ADGRL2: variants seen among roughly 807,000 people sequenced by gnomAD.
ADGRL2 encodes the protein adhesion G protein-coupled receptor L2.
A neutral mutation model predicts 157.4 loss-of-function variants in ADGRL2; 44 were observed. The ratio of observed to expected loss-of-function variants is 0.28; its 90% CI spans 0.22 to 0.36. ADGRL2 has a LOEUF of 0.36. Ranked by LOEUF, ADGRL2 falls within the 10% of genes least tolerant of loss-of-function variation. ADGRL2 has a pLI of 1.00. For synonymous variants in ADGRL2, 585 were observed against 624.7 expected (o/e 0.94, Z 0.95); for missense variants, 1,510 against 1,768.9 (o/e 0.85, Z 2.63).
chr1:81,754,091 C>T (rs1245729836), intron 1 of ADGRL2, among the ~76,000 whole-genome samples: 1 of 152,064 alleles, frequency 6.6e-6, no homozygotes, highest in Admixed American at 6.6e-5. Flanking sequence ...CCTGATCTGT[C>T]ATGGTGGTGT....
At chr1:81,467,373 C>T (rs112408244) in intron 2 of ADGRL2, among the ~76,000 whole-genome samples, 46 of 152,240 alleles carry the variant, frequency 3.0e-4, no homozygotes, top group South Asian at 6.2e-4. Context: ...AACTAAATCT[C>T]GTCCCCCTCT....
chr1:81,647,526 C>T (rs531761479), intron 3 of ADGRL2, among the ~76,000 whole-genome samples: 2 of 152,164 alleles, frequency 1.3e-5, no homozygotes, highest in African/African-American at 2.4e-5. Flanking sequence ...AAATTACCTT[C>T]GGGTAATTTT....
chr1:81,512,916 AT>A (rs11388955), intron 2 of ADGRL2, among the ~76,000 whole-genome samples: 16 of 149,168 alleles, frequency 1.1e-4, no homozygotes, highest in Non-Finnish European at 9.0e-5. Flanking sequence ...CTCTTGGCTA[AT>A]TTTTTTTTTT....
At chr1:81,739,639 A>G (rs1444902771) in intron 1 of ADGRL2, among the ~76,000 whole-genome samples, 1 of 152,240 alleles carries the variant, frequency 6.6e-6, no homozygotes, top group African/African-American at 2.4e-5. Flanking sequence ...AATAATTAAA[A>G]TAAAGCAGAT....
chr1:81,468,923 A>G (rs1372103503), intron 2 of ADGRL2, among the ~76,000 whole-genome samples: 3 of 152,212 alleles, frequency 2.0e-5, no homozygotes, highest in Admixed American at 2.0e-4. Flanking sequence ...GAAGGAAAGG[A>G]TGAAGAAAAT....
chr1:81,878,660 G>A (rs2093904845), intron 2 of ADGRL2, among the ~76,000 whole-genome samples: 1 of 152,148 alleles, frequency 6.6e-6, no homozygotes. Flanking sequence ...GCCAGAGAGA[G>A]ATGTTGTAAT....
At chr1:81,976,227 A>G (rs1195057577) in intron 17 of ADGRL2, among the ~76,000 whole-genome samples, 5 of 152,158 alleles carry the variant, frequency 3.3e-5, no homozygotes, top group Middle Eastern at 3.4e-3. Context: ...TGGGAAAAAG[A>G]AAAATCTTAT....
At chr1:81,818,808 G>A (rs1227808547) in intron 1 of ADGRL2, among the ~76,000 whole-genome samples, 2 of 152,166 alleles carry the variant, frequency 1.3e-5, no homozygotes, top group African/African-American at 4.8e-5. Context: ...GGGTAGGTTA[G>A]AGTAAATTCA....
At chr1:81,431,537 C>T (rs2077320837) in intron 1 of ADGRL2, among the ~76,000 whole-genome samples, 1 of 152,150 alleles carries the variant, frequency 6.6e-6, no homozygotes, top group Non-Finnish European at 1.5e-5. Context: ...AATTAGCAGC[C>T]CTGTGATCAC....
At chr1:81,713,078 AT>A (rs2083991368) in intron 1 of ADGRL2, among the ~76,000 whole-genome samples, 1 of 151,930 alleles carries the variant, frequency 6.6e-6, no homozygotes, top group Non-Finnish European at 1.5e-5. Context: ...TTCTTATAAT[AT>A]TTTTTAAATT....
chr1:81,849,074 T>C (rs1034713713), intron 2 of ADGRL2, among the ~76,000 whole-genome samples: 1 of 151,990 alleles, frequency 6.6e-6, no homozygotes, highest in Non-Finnish European at 1.5e-5. Context: ...CTCTTACTTT[T>C]GTTGCATTAA....
chr1:81,709,541 A>G (rs1405746008), intron 1 of ADGRL2, among the ~76,000 whole-genome samples: 1 of 137,496 alleles, frequency 7.3e-6, no homozygotes, highest in African/African-American at 2.7e-5. Flanking sequence ...AGTAAACACA[A>G]AAAACAAAAC....
intron 1 of ADGRL2, among the ~76,000 whole-genome samples, chr1:81,736,455 G>T (rs1219121295): frequency 6.6e-6 from 1 of 152,052 alleles, no homozygotes; most frequent in Non-Finnish European, 1.5e-5. Context: ...TTATTTCCTG[G>T]ATAATTTATT....
upstream of ADGRL2, among the ~76,000 whole-genome samples, chr1:81,699,548 G>A (rs558467938): frequency 1.8e-4 from 27 of 152,296 alleles, no homozygotes; most frequent in East Asian, 1.9e-3. Context: ...AGGTGGAACT[G>A]GCTACCTGAT....
intron 1 of ADGRL2, among the ~76,000 whole-genome samples, chr1:81,410,204 T>G (rs2076924155): frequency 6.6e-6 from 1 of 152,226 alleles, no homozygotes; most frequent in African/African-American, 2.4e-5. Flanking sequence ...TCAATTAGCA[T>G]TCTGCCATTC....
intron 2 of ADGRL2, among the ~76,000 whole-genome samples, chr1:81,462,446 G>C (rs1407101880): frequency 1.3e-5 from 2 of 150,600 alleles, no homozygotes; most frequent in African/African-American, 4.9e-5. Flanking sequence ...TGAAGTCAGC[G>C]AGACCAAGAA....
rs189148327 is a variant in ADGRL2, at chr1:81,711,162, A to T, written c.-143+11354A>T. 3.3e-4 allele frequency among the ~76,000 whole-genome samples: 50 copies of T among 152,356 alleles called. 1 individual carries two copies. Among genetic ancestry groups the T allele is most frequent in the African/African-American group, 1.1e-3 (47 of 41,590 alleles). ...GAAGCTGTCAAGTTCACAGTGACAG[A>T]TACAAATTGTTCTTCAGGTTACAAT... is the stretch of plus-strand genomic sequence containing the variant. On this transcript the variant is annotated intron_variant, in intron 1 of 20. Coordinates refer to the ADGRL2 transcript ENST00000359929.
intron 11 of ADGRL2, among the ~76,000 whole-genome samples, chr1:81,957,418 G>C (rs573703655): frequency 1.3e-5 from 2 of 152,050 alleles, no homozygotes; most frequent in African/African-American, 4.8e-5. Context: ...ATTATTTTTC[G>C]CTGGGCACAG....
chr1:81,544,371 T>C (rs1414928637), intron 2 of ADGRL2, among the ~76,000 whole-genome samples: 1 of 152,190 alleles, frequency 6.6e-6, no homozygotes, highest in Non-Finnish European at 1.5e-5. Flanking sequence ...GTCATAAAAA[T>C]GAAATGTTTC....
Sources: gnomAD v4.1 joint callset for allele counts (sites outside exome capture counted in the v4.1 genomes callset) on GRCh38, gnomAD v4.1.1 for gene constraint, MANE v1.5 for transcripts, NCBI Gene and HGNC (gene_info 2026-07-23, HGNC 2026-07-21) for gene names.